UBR1: variants seen among roughly 807,000 people sequenced by gnomAD.
The protein encoded by UBR1 is ubiquitin protein ligase E3 component n-recognin 1.
UBR1 carries 102 observed loss-of-function variants against 242.1 expected under a neutral mutation model. The observed-to-expected ratio is 0.42, with a 90% CI of 0.36 to 0.50. The LOEUF (loss-of-function observed/expected upper bound fraction) is 0.50. Ranked by LOEUF, UBR1 falls within the 20% of genes least tolerant of loss-of-function variation. UBR1 has a pLI of 0.01. For synonymous variants in UBR1, 675 were observed against 684.8 expected (o/e 0.99, Z 0.22); for missense variants, 1,772 against 2,101.8 (o/e 0.84, Z 3.07).
intron 35 of UBR1, among the ~76,000 whole-genome samples, chr15:42,987,042 G>A (rs764899918): frequency 1.9e-4 from 29 of 152,344 alleles, no homozygotes; most frequent in Non-Finnish European, 3.8e-4. Context: ...GCTCCTGAGC[G>A]GCGCTTCCTC....
intron 33 of UBR1, among the ~76,000 whole-genome samples, chr15:42,993,387 A>T (rs1411538947): frequency 6.6e-6 from 1 of 150,882 alleles, no homozygotes; most frequent in East Asian, 1.9e-4. Flanking sequence ...TTTTAAAGAC[A>T]GAGTCTCGCT....
At chr15:43,052,870 C>G (rs1401303869) in intron 12 of UBR1, among the ~76,000 whole-genome samples, 1 of 152,174 alleles carries the variant, frequency 6.6e-6, no homozygotes, top group Non-Finnish European at 1.5e-5. Flanking sequence ...GTGAAAGGAA[C>G]ATGAGTTTTA....
intron 10 of UBR1, 26 bp downstream of exon 10, chr15:43,058,315 T>C (rs1375088681): frequency 4.3e-6 from 6 of 1,403,180 alleles, no homozygotes; most frequent in Non-Finnish European, 6.0e-6. Context: ...TTTCTATTTA[T>C]TGATATCTAA....
chr15:43,086,340 T>A, intron 1 of UBR1, 100 bp from the exon 2 acceptor site: 1 of 1,420,158 alleles, frequency 7.0e-7, no homozygotes, highest in South Asian at 1.3e-5. Context: ...CAAAGTAATT[T>A]ACAGTATATT....
chr15:42,950,106 T>C (rs999849663), intron 46 of UBR1, among the ~76,000 whole-genome samples, 156 bp downstream of exon 46: 10 of 152,130 alleles, frequency 6.6e-5, no homozygotes, highest in African/African-American at 2.4e-4. Flanking sequence ...CCCAAAGTGC[T>C]AGGAATACAG....
intron 40 of UBR1, among the ~76,000 whole-genome samples, chr15:42,967,996 A>G (rs2032139494): frequency 6.6e-6 from 1 of 151,612 alleles, no homozygotes; most frequent in South Asian, 2.1e-4. Context: ...TACATATTGT[A>G]TGTTATGTAT....
At chr15:42,964,183 T>C (rs1251183366) in intron 41 of UBR1, 140 bp from the exon 42 acceptor site, 4 of 695,562 alleles carry the variant, frequency 5.8e-6, no homozygotes, top group Non-Finnish European at 1.0e-5. Context: ...AAACCATGGG[T>C]GGCAGTCCGG....
At chr15:43,007,947 A>G (rs1368745989) in intron 29 of UBR1, among the ~76,000 whole-genome samples, 1 of 152,218 alleles carries the variant, frequency 6.6e-6, no homozygotes, top group Non-Finnish European at 1.5e-5. Flanking sequence ...TGATTCAGCA[A>G]TTCTTAGAAT....
intron 1 of UBR1, 52 bp from the exon 2 acceptor site, chr15:43,086,292 C>A (rs774140412): frequency 7.6e-6 from 12 of 1,587,076 alleles, no homozygotes; most frequent in African/African-American, 1.3e-5. Context: ...CCTTCTTAAT[C>A]ATCTAGGGGC....
In UBR1 at chr15:42,984,062, A is replaced by T. The variant is rs559086775; in HGVS notation, c.4054-69T>A. 13 of 1,299,296 alleles carry T rather than the reference A, an allele frequency of 1.0e-5. No individual in the cohort carries two copies. In the African/African-American group the frequency reaches 1.9e-4, roughly 19 times the overall value. The allele number at this position is 1,299,296 out of a possible 1,614,324, so 80.5% of individuals were successfully genotyped here. A position where few individuals can be genotyped will look rare whatever the true frequency, so the allele number is the denominator to read the frequency against. On this transcript the variant is annotated intron_variant, in intron 36 of 46. Coordinates refer to ENST00000290650, the MANE Select transcript of UBR1 (RefSeq NM_174916.3). ...GAGAGACCTAAGTCATCCACTTAAGAGTTGGTAAAAACCAACTCTAGTTTG... is the reference window on the plus strand; with the variant it reads ...GAGAGACCTAAGTCATCCACTTAAGTGTTGGTAAAAACCAACTCTAGTTTG...
intron 1 of UBR1, among the ~76,000 whole-genome samples, chr15:43,097,904 C>T (rs1394109646): frequency 6.6e-6 from 1 of 152,216 alleles, no homozygotes; most frequent in East Asian, 1.9e-4. Flanking sequence ...TAGAGTAGCA[C>T]TTTTAATTTC....
chr15:42,964,707 C>T (rs1178634179), intron 41 of UBR1, among the ~76,000 whole-genome samples: 1 of 152,154 alleles, frequency 6.6e-6, no homozygotes, highest in Non-Finnish European at 1.5e-5. Context: ...CCCCCTTAGG[C>T]TTCAGCCATA....
At chr15:42,965,199 A>G (rs2032085483) in intron 41 of UBR1, among the ~76,000 whole-genome samples, 1 of 152,216 alleles carries the variant, frequency 6.6e-6, no homozygotes, top group African/African-American at 2.4e-5. Flanking sequence ...AAGATAAAGA[A>G]GCTGATAGCC....
chr15:43,025,122 G>T, intron 24 of UBR1, 139 bp from the exon 25 acceptor site: 1 of 1,114,828 alleles, frequency 9.0e-7, no homozygotes, highest in Non-Finnish European at 1.3e-6. Flanking sequence ...TACCTTTCCA[G>T]TACTGAAAAT....
chr15:43,075,424 T>C (rs1301507120), intron 3 of UBR1, among the ~76,000 whole-genome samples: 4 of 152,262 alleles, frequency 2.6e-5, no homozygotes, highest in East Asian at 3.9e-4. Context: ...AAATAATCTA[T>C]ACAACACCTA....
At chr15:43,066,595 G>A (rs1485023636) in intron 6 of UBR1, among the ~76,000 whole-genome samples, 2 of 152,122 alleles carry the variant, frequency 1.3e-5, no homozygotes, top group Non-Finnish European at 2.9e-5. Flanking sequence ...CATCCATGAA[G>A]ATGGAATGTT....
chr15:43,092,035 G>C, intron 1 of UBR1: 1 of 454,584 alleles, frequency 2.2e-6, no homozygotes, highest in Non-Finnish European at 4.4e-6. Context: ...AGTGAGCGGA[G>C]ATCATGCCAC....
intron 12 of UBR1, among the ~76,000 whole-genome samples, chr15:43,049,458 G>A (rs1448447252): frequency 1.3e-5 from 2 of 152,148 alleles, no homozygotes; most frequent in Non-Finnish European, 2.9e-5. Context: ...AGCTACTCGG[G>A]AGGCTGAAGC....
Position 43,058,449 on chromosome 15 carries a change from G to C in UBR1, c.1094-20C>G. 6.3e-7 allele frequency: 1 copy of C among 1,589,094 alleles called. No homozygotes were observed. On this transcript the variant is annotated intron_variant, in intron 9 of 46. Coordinates refer to ENST00000290650, the MANE Select transcript of UBR1 (RefSeq NM_174916.3). The stretch of plus-strand genomic sequence containing the variant: ...GGGCACCTATAGATTATTTTGGGGA[G>C]GGTGGGGGAATGAGGAGAATCACCA...
Sources: allele counts gnomAD v4.1 joint callset (sites outside exome capture counted in the v4.1 genomes callset), GRCh38; gene constraint gnomAD v4.1.1; transcripts MANE v1.5; gene names NCBI Gene and HGNC (gene_info 2026-07-23, HGNC 2026-07-21).